Variants in MAF observed in about 807,000 individuals in gnomAD.
The protein encoded by MAF is transcription factor Maf.
MAF carries 10 observed loss-of-function variants against 22.0 expected under a neutral mutation model. The observed-to-expected ratio is 0.45, with a 90% CI of 0.28 to 0.77. MAF has a LOEUF of 0.77. Among genes scored for constraint, MAF ranks in the 30% least tolerant of loss-of-function variants. The probability of loss-of-function intolerance (pLI) is 0.12; values close to 1 mark genes in which losing one functional copy is unlikely to be tolerated. For synonymous variants in MAF, 337 were observed against 255.8 expected (o/e 1.32, Z -3.03); for missense variants, 544 against 548.4 (o/e 0.99, Z 0.08).
At chr16:79,478,117 C>G in the MAF span, among the ~76,000 whole-genome samples, 1 of 152,160 alleles carries the variant, frequency 6.6e-6, no homozygotes, top group Non-Finnish European at 1.5e-5. Context: ...TTGCCCACAG[C>G]CTCCAGACTA....
chr16:79,220,308 T>G, the MAF span, among the ~76,000 whole-genome samples: 1 of 150,398 alleles, frequency 6.6e-6, no homozygotes. Flanking sequence ...GCATTTAAGT[T>G]TGGGGGGCAG....
the MAF span, among the ~76,000 whole-genome samples, chr16:79,444,451 G>A: frequency 6.6e-6 from 1 of 152,110 alleles, no homozygotes; most frequent in Non-Finnish European, 1.5e-5. Context: ...GAATTATATA[G>A]CCTTGGGCAA....
intron 1 of MAF, chr16:79,596,106 C>A: frequency 1.1e-5 from 12 of 1,062,124 alleles, no homozygotes; most frequent in Non-Finnish European, 1.4e-5. Flanking sequence ...ACCTCTGATG[C>A]GCCATATTTG....
At chr16:79,480,714 G>T in the MAF span, among the ~76,000 whole-genome samples, 2 of 152,134 alleles carry the variant, frequency 1.3e-5, no homozygotes, top group East Asian at 1.9e-4. Flanking sequence ...GGAGGTGTGG[G>T]GTCAGAGTAC....
the MAF span, among the ~76,000 whole-genome samples, chr16:79,576,100 T>A: frequency 2.5e-3 from 380 of 152,218 alleles, 2 homozygotes; most frequent in African/African-American, 8.4e-3. Context: ...TCTTATCTTC[T>A]GAGTATACAT....
chr16:79,581,567 A>C (rs1912518689), downstream of MAF, among the ~76,000 whole-genome samples: 1 of 152,184 alleles, frequency 6.6e-6, no homozygotes, highest in Non-Finnish European at 1.5e-5. Flanking sequence ...GGAGCATTTC[A>C]GATCAATTCA....
chr16:79,302,793 A>G, the MAF span, among the ~76,000 whole-genome samples: 1 of 152,254 alleles, frequency 6.6e-6, no homozygotes, highest in African/African-American at 2.4e-5. Context: ...GTCATCCACC[A>G]TGCTTTCAGC....
the MAF span, among the ~76,000 whole-genome samples, chr16:79,493,007 G>A: frequency 4.6e-5 from 7 of 151,736 alleles, no homozygotes; most frequent in Admixed American, 6.6e-5. Flanking sequence ...CATCCAGGCT[G>A]GAGTGCAGTG....
chr16:79,479,215 T>C, the MAF span, among the ~76,000 whole-genome samples: 2 of 152,348 alleles, frequency 1.3e-5, no homozygotes, highest in Admixed American at 6.5e-5. Flanking sequence ...CATATCTTAG[T>C]GCACCCATGC....
At chr16:79,594,636 A>G (rs1158357511) in intron 1 of MAF, 83 bp from the exon 2 acceptor site, 2 of 1,476,132 alleles carry the variant, frequency 1.4e-6, no homozygotes, top group Non-Finnish European at 1.8e-6. Flanking sequence ...ATTTCCTCAT[A>G]TGATTTTTTT....
At chr16:79,432,942 A>G in the MAF span, among the ~76,000 whole-genome samples, 3 of 152,166 alleles carry the variant, frequency 2.0e-5, no homozygotes, top group African/African-American at 7.2e-5. Flanking sequence ...AGCCTGAGAC[A>G]ATAAATTTCT....
At chr16:79,573,176 G>T in the MAF span, among the ~76,000 whole-genome samples, 1 of 152,096 alleles carries the variant, frequency 6.6e-6, no homozygotes, top group Non-Finnish European at 1.5e-5. Context: ...TTAGGTTTTT[G>T]ACTATCTTGT....
At chr16:79,587,191 GT>G (rs1912899280) in intron 1 of MAF, among the ~76,000 whole-genome samples, 1 of 152,038 alleles carries the variant, frequency 6.6e-6, no homozygotes, top group African/African-American at 2.4e-5. Flanking sequence ...CGTTATATGC[GT>G]TTATTCACAT....
At chr16:79,422,558 T>G in the MAF span, among the ~76,000 whole-genome samples, 407 of 152,280 alleles carry the variant, frequency 2.7e-3, no homozygotes, top group African/African-American at 9.4e-3. Flanking sequence ...GACAGCTTGC[T>G]CCATGCACTT....
chr16:79,504,327 C>A, the MAF span, among the ~76,000 whole-genome samples: 2 of 152,204 alleles, frequency 1.3e-5, no homozygotes, highest in African/African-American at 4.8e-5. Context: ...GTCCCCACCA[C>A]TCAGATAAGC....
Position 79,599,411 on chromosome 16 carries a change from C to A in MAF, c.492G>T (p.Val164=). 1 of 1,150,666 alleles carries A rather than the reference C, an allele frequency of 8.7e-7. No homozygotes were observed. Among genetic ancestry groups the A allele is most frequent in the Admixed American group, 4.8e-5 (1 of 20,674 alleles). The allele number at this position is 1,150,666 out of a possible 1,614,324, so 71.3% of individuals were successfully genotyped here. A position where few individuals can be genotyped will look rare whatever the true frequency, so the allele number is the denominator to read the frequency against. The change falls in exon 1 of 2, where the codon GTG becomes GTT. Residue 164 remains valine (V), a synonymous_variant. Transcript: ENST00000326043. ...GEEMGPAAAV[V]SAVIAAAAAQ... is the part of the protein sequence containing the mutation. ...CGGCGGCCGCGGCGATCACGGCGGA[C>A]ACCACGGCGGCGGCGGGGCCCATCT...
At chr16:79,587,545 ATATGT>A in intron 1 of MAF, among the ~76,000 whole-genome samples, 1 of 152,314 alleles carries the variant, frequency 6.6e-6, no homozygotes, top group South Asian at 2.1e-4. Context: ...CGTTGCAAAC[ATATGT>A]TAAGCTTCGG....
chr16:79,494,793 C>G, the MAF span, among the ~76,000 whole-genome samples: 1 of 152,168 alleles, frequency 6.6e-6, no homozygotes, highest in Non-Finnish European at 1.5e-5. Flanking sequence ...GGTCCCATTT[C>G]AGACATCAGT....
chr16:79,480,435 G>A, the MAF span, among the ~76,000 whole-genome samples: 24,091 of 151,994 alleles, frequency 0.16, 2,111 homozygotes, highest in African/African-American at 0.25. Context: ...AGACAAGCAA[G>A]GGAAGAAGGG....
Sources: allele counts gnomAD v4.1 joint callset (sites outside exome capture counted in the v4.1 genomes callset), GRCh38; gene constraint gnomAD v4.1.1; transcripts MANE v1.5; gene names NCBI Gene and HGNC (gene_info 2026-07-23, HGNC 2026-07-21).